CYFIP1: variants seen among roughly 807,000 people sequenced by gnomAD.
CYFIP1 encodes the protein cytoplasmic FMR1 interacting protein 1, also known as cytoplasmic FMR1-interacting protein 1.
Under a neutral mutation model 163.5 loss-of-function variants are expected in CYFIP1, and 58 were observed. The ratio of observed to expected loss-of-function variants is 0.35; its 90% confidence interval spans 0.29 to 0.44. The LOEUF (loss-of-function observed/expected upper bound fraction) is 0.44, where lower values mean the gene tolerates loss of function less well. CYFIP1 is among the 20% of genes least tolerant of loss of function. CYFIP1 has a pLI of 1.00. For synonymous variants in CYFIP1, 663 were observed against 660.7 expected, an observed-to-expected ratio of 1.00 and a Z score of -0.05; for missense variants, 1,338 against 1,653.8, an observed-to-expected ratio of 0.81 and a Z score of 3.31.
intron 24 of CYFIP1, 118 bp from the exon 25 acceptor site, chr15:22,882,054 G>T: frequency 1.2e-6 from 1 of 819,828 alleles, no homozygotes; most frequent in Non-Finnish European, 1.9e-6. Flanking sequence ...CAGCAAGGCT[G>T]CAGGATCGTC....
At position 22,940,972 on chromosome 15, in the gene CYFIP1, G is replaced by A. The variant is rs182225815; in HGVS notation, c.570-1465C>T. On this transcript the variant is annotated intron_variant, in intron 6 of 30. Transcript: ENST00000617928. The stretch of plus-strand genomic sequence containing the variant: ...GGAGAATTGCTTGAATCCAGGAGAC[G>A]CAGAGGTTGCAGTGAGCCAAGATCG... Among the ~76,000 whole-genome samples, 29 of 152,274 alleles carry A rather than the reference G, an allele frequency of 1.9e-4. 1 individual carries two copies. The highest frequency in any genetic ancestry group is 9.8e-4 in the Admixed American group (15 of 15,300).
At chr15:22,926,608 A>G (rs1344239323) in intron 12 of CYFIP1, among the ~76,000 whole-genome samples, 1 of 152,216 alleles carries the variant, frequency 6.6e-6, no homozygotes, top group Admixed American at 6.5e-5. Flanking sequence ...ATAAATCACA[A>G]AAGGGAAAAT....
At chr15:22,943,766 T>C (rs2061968144) in intron 5 of CYFIP1, among the ~76,000 whole-genome samples, 1 of 152,162 alleles carries the variant, frequency 6.6e-6, no homozygotes, top group Admixed American at 6.5e-5. Flanking sequence ...TCTCCTCCCT[T>C]TGCTGAAGGA....
chr15:22,957,374 C>T (rs2062502482), intron 1 of CYFIP1, among the ~76,000 whole-genome samples: 1 of 152,154 alleles, frequency 6.6e-6, no homozygotes. Context: ...CAGTGGCTCA[C>T]ACCTGTAATC....
chr15:22,873,620 G>A lies in CYFIP1; in HGVS notation c.3320C>T (p.Pro1107Leu). The change falls in exon 29 of 31, where the codon CCC (proline) becomes CTC (leucine). Residue 1107 changes from proline (P) to leucine (L), a missense_variant. Physicochemically the swap from Pro to Leu is moderately conservative, Grantham distance 98. Transcript: ENST00000617928. ...GCTGGGCAGAGGCCCGCGCCAGATG[G>A]GGTCATCCAGAAAGCTCCGGATCCG... ...LTRIRSFLDD[P>L]IWRGPLPSNG... is the part of the protein sequence containing the mutation. The A allele has an allele frequency of 1.9e-6, 3 of 1,614,254 alleles. No homozygotes were observed. The highest frequency in any genetic ancestry group is 2.5e-6 in the Non-Finnish European group (3 of 1,180,042).
At chr15:22,979,988 G>A (rs940379289) in intron 1 of CYFIP1, among the ~76,000 whole-genome samples, 12 of 152,058 alleles carry the variant, frequency 7.9e-5, no homozygotes, top group African/African-American at 2.7e-4. Context: ...CGGTGAACGC[G>A]GGGGCGGGGA....
At chr15:22,878,812 A>G (rs1203102481) in intron 26 of CYFIP1, among the ~76,000 whole-genome samples, 1 of 152,098 alleles carries the variant, frequency 6.6e-6, no homozygotes, top group Non-Finnish European at 1.5e-5. Context: ...TGCAGCACAT[A>G]AAGAGTCTAC....
chr15:22,871,525 G>A (rs1036053539), intron 30 of CYFIP1, among the ~76,000 whole-genome samples: 1 of 152,180 alleles, frequency 6.6e-6, no homozygotes, highest in Admixed American at 6.5e-5. Context: ...AGGCAGAAGG[G>A]CCCCTGAGAG....
intron 13 of CYFIP1, among the ~76,000 whole-genome samples, chr15:22,922,885 G>A (rs773203130): frequency 6.6e-6 from 1 of 151,158 alleles, no homozygotes; most frequent in Non-Finnish European, 1.5e-5. Context: ...CCAGCTACTT[G>A]GGAGGCTGAA....
At chr15:22,871,003 T>C (rs953468413) in intron 30 of CYFIP1, among the ~76,000 whole-genome samples, 1 of 152,156 alleles carries the variant, frequency 6.6e-6, no homozygotes, top group Non-Finnish European at 1.5e-5. Context: ...CAGGGGCAGA[T>C]GCCAACAGCG....
At chr15:22,927,185 AAAC>A (rs1296933242) in intron 12 of CYFIP1, among the ~76,000 whole-genome samples, 1 of 152,070 alleles carries the variant, frequency 6.6e-6, no homozygotes, top group African/African-American at 2.4e-5. Flanking sequence ...AAAAACCAAA[AAAC>A]AAAAAACTAG....
At chr15:22,980,442 G>A (rs1353370871), upstream of CYFIP1, 2 of 151,982 alleles carry the variant, frequency 1.3e-5, no homozygotes. Context: ...CTTCCTCCCG[G>A]CGCTCCTCCC....
At position 22,917,354 on chromosome 15, in the gene CYFIP1, C is replaced by T. The variant is rs1200058619; in HGVS notation, c.1674+434G>A. The T allele has an allele frequency of 8.1e-7, 1 of 1,235,976 alleles. No individual in the cohort carries two copies. The highest frequency in any genetic ancestry group is 3.4e-5 in the East Asian group (1 of 29,092). The allele number at this position is 1,235,976 out of a possible 1,614,324, so 76.6% of individuals were successfully genotyped here. ...GAAGCACCTCGGGGAGGCCTGAACA[C>T]ACCAGGAGAGAGGACAGTGGGCAGC... On this transcript the variant is annotated intron_variant, in intron 15 of 30. Transcript: ENST00000617928. The surrounding 1 kb of genome is among the most constrained non-coding windows in gnomAD (Gnocchi z 4.2).
intron 23 of CYFIP1, among the ~76,000 whole-genome samples, chr15:22,886,387 A>G (rs1463708695): frequency 6.6e-6 from 1 of 152,208 alleles, no homozygotes; most frequent in African/African-American, 2.4e-5. Flanking sequence ...TTTCCCTCTC[A>G]GCACTTTAGC....
chr15:22,917,112 G>C lies in CYFIP1; in HGVS notation c.1675-482C>G. On this transcript the variant is annotated intron_variant, in intron 15 of 30. Coordinates refer to ENST00000617928, the MANE Select transcript of CYFIP1 (RefSeq NM_014608.6). This position sits in a 1 kb window ranked among gnomAD's most constrained non-coding sequence, Gnocchi z 4.2. ...CACACCCCAGGCAGGGACACGGGAC[G>C]CACGCAGAGGGAGGCAGGGAGGGTG... 6.9e-7 allele frequency: 1 copy of C among 1,453,660 alleles called. No homozygotes were observed. Among genetic ancestry groups the C allele is most frequent in the Non-Finnish European group, 9.0e-7 (1 of 1,108,448 alleles). 90.0% of individuals were successfully genotyped at this position (1,453,660 alleles called of 1,614,324 possible).
intron 22 of CYFIP1, among the ~76,000 whole-genome samples, chr15:22,900,439 C>T (rs1179801688): frequency 6.6e-6 from 1 of 150,500 alleles, no homozygotes; most frequent in Non-Finnish European, 1.5e-5. Flanking sequence ...CACTCTGTCG[C>T]CCAGGGTGGA....
Position 22,867,068 on chromosome 15 carries a change from A to ATTG in CYFIP1, c.*2957_*2959dup, listed in dbSNP as rs375372291. 4 of 520,616 alleles carry ATTG rather than the reference A, an allele frequency of 7.7e-6. No individual in the cohort carries two copies. The highest frequency in any genetic ancestry group is 5.8e-5 in the African/African-American group (3 of 51,410). The allele number at this position is 520,616 out of a possible 1,614,324, so 32.2% of individuals were successfully genotyped here. ...ACATGACGATTTCTATTAACATTTT[A>ATTG]TTGTTGTAGAAGTATTTTACATTTT... is the stretch of plus-strand genomic sequence containing the variant. On this transcript the variant is annotated 3_prime_UTR_variant, in exon 31 of 31. Transcript: ENST00000617928.
chr15:22,869,949 A>G lies in CYFIP1; in HGVS notation c.*79T>C, dbSNP rs1326519652. The G allele has an allele frequency of 7.4e-7, 1 of 1,356,822 alleles. No homozygotes were observed. Among genetic ancestry groups the G allele is most frequent in the South Asian group, 1.6e-5 (1 of 61,888 alleles). 84.0% of individuals were successfully genotyped at this position (1,356,822 alleles called of 1,614,324 possible). On this transcript the variant is annotated 3_prime_UTR_variant, in exon 31 of 31. Transcript: ENST00000617928. ...TTAACAGGTACAGAGATACTGAAAA[A>G]TAGTCCCTAAAAATCTCACTAAATA...
rs550537772 is a variant in CYFIP1, at chr15:22,977,091, C to T, written c.-7+3196G>A. 1.4e-3 allele frequency among the ~76,000 whole-genome samples: 216 copies of T among 151,926 alleles called. 1 individual carries two copies. Among genetic ancestry groups the T allele is most frequent in the African/African-American group, 5.0e-3 (209 of 41,434 alleles). On this transcript the variant is annotated intron_variant, in intron 1 of 30. Coordinates refer to ENST00000617928, the MANE Select transcript of CYFIP1 (RefSeq NM_014608.6). Reference sequence around the variant, plus strand: ...GCACATGCCTGTAATCCCAGCTACTCGGGAGGCTGAGGCAGGAGAATCGCT... The same window carrying T: ...GCACATGCCTGTAATCCCAGCTACTTGGGAGGCTGAGGCAGGAGAATCGCT...
Sources: allele counts gnomAD v4.1 joint callset (sites outside exome capture counted in the v4.1 genomes callset), GRCh38; gene constraint gnomAD v4.1.1; non-coding constraint Gnocchi (gnomAD v3.1); transcripts MANE v1.5; gene names NCBI Gene and HGNC (gene_info 2026-07-23, HGNC 2026-07-21).